EFCAB6: variants seen among roughly 807,000 people sequenced by gnomAD.
EFCAB6 encodes the protein EF-hand calcium-binding domain-containing protein 6.
A neutral mutation model predicts 169.8 loss-of-function variants in EFCAB6; 156 were observed. The observed-to-expected ratio is 0.92, with a 90% CI of 0.81 to 1.05. EFCAB6 has a LOEUF of 1.05. Ranked by LOEUF, EFCAB6 falls within the 50% of genes least tolerant of loss-of-function variation. The pLI, the probability that EFCAB6 is intolerant of heterozygous loss-of-function variation, is 0.00. For missense variants in EFCAB6, 1,800 were observed against 1,829.1 expected (o/e 0.98, Z 0.29); for synonymous variants, 698 against 676.4 (o/e 1.03, Z -0.50).
intron 23 of EFCAB6, among the ~76,000 whole-genome samples, chr22:43,593,018 T>G (rs16990790): frequency 0.06 from 9,123 of 151,826 alleles, 396 homozygotes; most frequent in African/African-American, 0.13. Context: ...TAATGGAACA[T>G]GACTCAAATC....
chr22:43,586,127 AG>A (rs2051046943), intron 24 of EFCAB6, among the ~76,000 whole-genome samples: 1 of 152,108 alleles, frequency 6.6e-6, no homozygotes, highest in Non-Finnish European at 1.5e-5. Context: ...TCTCACTCTT[AG>A]TTGATCAATG....
At chr22:43,689,136 T>A (rs1374283068) in intron 10 of EFCAB6, among the ~76,000 whole-genome samples, 1 of 151,938 alleles carries the variant, frequency 6.6e-6, no homozygotes, top group African/African-American at 2.4e-5. Context: ...GATGTATCAG[T>A]GCCTGACTCC....
intron 18 of EFCAB6, among the ~76,000 whole-genome samples, chr22:43,634,135 T>A (rs1049596161): frequency 6.6e-6 from 1 of 152,196 alleles, no homozygotes; most frequent in South Asian, 2.1e-4. Context: ...AAGTGACCTA[T>A]GCACCCTGGG....
intron 12 of EFCAB6, among the ~76,000 whole-genome samples, chr22:43,680,824 T>C (rs1406540042): frequency 6.6e-6 from 1 of 152,262 alleles, no homozygotes; most frequent in African/African-American, 2.4e-5. Context: ...ATAAATTCAT[T>C]TATTAGTTCT....
chr22:43,714,030 T>C (rs2059248189), intron 9 of EFCAB6, among the ~76,000 whole-genome samples: 2 of 152,104 alleles, frequency 1.3e-5, no homozygotes, highest in South Asian at 2.1e-4. Context: ...AATCAATTAA[T>C]TGAAAGAAAA....
At chr22:43,597,136 A>C (rs1444908472) in intron 23 of EFCAB6, among the ~76,000 whole-genome samples, 1 of 152,244 alleles carries the variant, frequency 6.6e-6, no homozygotes, top group African/African-American at 2.4e-5. Context: ...AAGACCATAA[A>C]CTATGAAACT....
intron 10 of EFCAB6, among the ~76,000 whole-genome samples, chr22:43,701,368 T>C (rs956005147): frequency 6.6e-6 from 1 of 152,114 alleles, no homozygotes; most frequent in Non-Finnish European, 1.5e-5. Flanking sequence ...ACAATCACCA[T>C]CTAGACTCAA....
chr22:43,658,868 T>G (rs1479135620), intron 17 of EFCAB6, among the ~76,000 whole-genome samples: 2 of 152,080 alleles, frequency 1.3e-5, no homozygotes, highest in Non-Finnish European at 2.9e-5. Context: ...AACAGGAAGC[T>G]CAAGAACTAA....
rs1029462277 is a variant in EFCAB6, at chr22:43,773,105, T to C, written c.140-2A>G. 1 of 1,614,070 alleles carries C rather than the reference T, an allele frequency of 6.2e-7. No individual in the cohort carries two copies. Among genetic ancestry groups the C allele is most frequent in the African/African-American group, 1.3e-5 (1 of 75,066 alleles). ...GTGTTGGATTTGCAACAGCTGTGGC[T>C]ATAAAAGAGATACAGCTATTTATTA... is the stretch of plus-strand genomic sequence containing the variant. On this transcript the variant is annotated splice_acceptor_variant, in intron 3 of 31. Coordinates refer to ENST00000262726, the MANE Select transcript of EFCAB6 (RefSeq NM_022785.4). LOFTEE classifies it high-confidence loss of function.
At chr22:43,571,540 A>C (rs1258080256) in intron 26 of EFCAB6, among the ~76,000 whole-genome samples, 1 of 152,188 alleles carries the variant, frequency 6.6e-6, no homozygotes, top group Admixed American at 6.5e-5. Context: ...GTTAAACTGG[A>C]GAAGTTAATG....
At position 43,590,528 on chromosome 22, in the gene EFCAB6, G is replaced by A. The variant is rs546152182; in HGVS notation, c.2877-299C>T. On this transcript the variant is annotated intron_variant, in intron 23 of 31. Transcript: ENST00000262726. ...AAAAACGGAACCAAGAATTGAAAAAGCCAGTGGTTTTACATATAGACATGT... is the reference window on the plus strand; with the variant it reads ...AAAAACGGAACCAAGAATTGAAAAAACCAGTGGTTTTACATATAGACATGT... Among the ~76,000 whole-genome samples, 5 of 152,214 alleles carry A rather than the reference G, an allele frequency of 3.3e-5. No individual in the cohort carries two copies. The East Asian group carries it at 9.6e-4, about 29-fold the overall frequency.
At chr22:43,796,303 T>A (rs1442013301) in intron 2 of EFCAB6, among the ~76,000 whole-genome samples, 1 of 151,970 alleles carries the variant, frequency 6.6e-6, no homozygotes, top group African/African-American at 2.4e-5. Context: ...GGTTTGATCA[T>A]GTGCTCAGCA....
At chr22:43,673,966 CAAA>C (rs35790164) in intron 13 of EFCAB6, among the ~76,000 whole-genome samples, 2 of 69,484 alleles carry the variant, frequency 2.9e-5, no homozygotes, top group Admixed American at 1.6e-4. Context: ...GACTCCGTCT[CAAA>C]AAAAAAAAAA....
intron 17 of EFCAB6, among the ~76,000 whole-genome samples, chr22:43,656,003 A>G (rs1276526250): frequency 6.6e-6 from 1 of 152,246 alleles, no homozygotes; most frequent in Non-Finnish European, 1.5e-5. Flanking sequence ...TCAACAGTCA[A>G]CAGAATGAAG....
At chr22:43,541,749 C>T (rs554572137) in intron 27 of EFCAB6, among the ~76,000 whole-genome samples, 8 of 152,268 alleles carry the variant, frequency 5.3e-5, no homozygotes, top group African/African-American at 1.9e-4. Flanking sequence ...GGGCAGATGG[C>T]CCCCCTGACA....
At chr22:43,615,743 A>G in intron 21 of EFCAB6, 83 bp downstream of exon 21, 1 of 1,235,280 alleles carries the variant, frequency 8.1e-7, no homozygotes, top group East Asian at 2.5e-5. Flanking sequence ...TAGCGTCTGG[A>G]TCTGAACAGC....
intron 6 of EFCAB6, among the ~76,000 whole-genome samples, chr22:43,747,532 A>G (rs201520049): frequency 1.3e-5 from 2 of 152,192 alleles, no homozygotes; most frequent in East Asian, 1.9e-4. Context: ...ACAATGTAGA[A>G]TATGTTGCAG....
intron 17 of EFCAB6, among the ~76,000 whole-genome samples, chr22:43,654,900 G>A (rs959585097): frequency 6.6e-6 from 1 of 152,180 alleles, no homozygotes; most frequent in Non-Finnish European, 1.5e-5. Flanking sequence ...AGCAGCAAGA[G>A]TAAATATGTA....
rs370218773 is a variant in EFCAB6, at chr22:43,600,177, G to C, written c.2768C>G (p.Pro923Arg). 53 of 1,613,902 alleles carry C rather than the reference G, an allele frequency of 3.3e-5. No individual in the cohort carries two copies. The highest frequency in any genetic ancestry group is 1.7e-5 in the Non-Finnish European group (20 of 1,180,006). Residue 923 changes from proline to arginine, a missense_variant, in exon 23 of 32, where the codon CCC becomes CGC. Coordinates refer to ENST00000262726, the MANE Select transcript of EFCAB6 (RefSeq NM_022785.4). ...GAAGTTGAAATAATCCTCTGCACAG[G>C]GCCGATGGACAGCAGGCGAATAGTT... ...GINYSPAVHRPCAEDYFNFMG... is the reference protein window; with the variant it reads ...GINYSPAVHRRCAEDYFNFMG...
Sources: gnomAD v4.1 joint callset for allele counts (sites outside exome capture counted in the v4.1 genomes callset) on GRCh38, gnomAD v4.1.1 for gene constraint, MANE v1.5 for transcripts, NCBI Gene and HGNC (gene_info 2026-07-23, HGNC 2026-07-21) for gene names.